Variants in SHANK2 observed in about 807,000 individuals in gnomAD.
SHANK2 encodes SH3 and multiple ankyrin repeat domains protein 2.
In SHANK2, 43 loss-of-function variants were observed where a neutral mutation model predicts 133.7. The observed-to-expected ratio is 0.32, with a 90% confidence interval of 0.25 to 0.41. The LOEUF is 0.41. Ranked by LOEUF, SHANK2 falls within the 10% of genes least tolerant of loss-of-function variation. SHANK2 has a pLI of 1.00. For synonymous variants in SHANK2, 1,017 were observed against 952.8 expected (o/e 1.07, Z -1.24); for missense variants, 1,994 against 2,235.8 (o/e 0.89, Z 2.18).
chr11:70,506,466 G>A (rs566291899), intron 17 of SHANK2, among the ~76,000 whole-genome samples: 2 of 152,328 alleles, frequency 1.3e-5, no homozygotes, highest in Admixed American at 1.3e-4. Context: ...ATGGGCCCTG[G>A]AAACATCACT....
intron 14 of SHANK2, among the ~76,000 whole-genome samples, chr11:70,756,527 C>A (rs1946877340): frequency 6.6e-6 from 1 of 152,180 alleles, no homozygotes; most frequent in African/African-American, 2.4e-5. Flanking sequence ...ACGCTCCTTC[C>A]CTCCAGCTGT....
intron 9 of SHANK2, among the ~76,000 whole-genome samples, chr11:71,074,829 G>C (rs2135982159): frequency 6.8e-6 from 1 of 147,078 alleles, no homozygotes; most frequent in South Asian, 2.2e-4. Context: ...GCCCAGGCTG[G>C]AGTGCAGTGG....
At chr11:70,629,546 G>C (rs1217066364) in intron 17 of SHANK2, among the ~76,000 whole-genome samples, 2 of 152,114 alleles carry the variant, frequency 1.3e-5, no homozygotes, top group African/African-American at 2.4e-5. Flanking sequence ...GCATGTGGTG[G>C]GAAGGGCAGC....
At chr11:70,773,799 C>A (rs572025525) in intron 14 of SHANK2, among the ~76,000 whole-genome samples, 11 of 152,244 alleles carry the variant, frequency 7.2e-5, no homozygotes, top group African/African-American at 2.6e-4. Context: ...CACTAAGATG[C>A]CTATAACGAT....
intron 17 of SHANK2, among the ~76,000 whole-genome samples, chr11:70,547,804 A>T (rs1247580815): frequency 6.6e-6 from 1 of 152,260 alleles, no homozygotes; most frequent in Non-Finnish European, 1.5e-5. Flanking sequence ...CTGCTAAAGG[A>T]ATCCTTGGTC....
At chr11:70,942,992 T>C in intron 10 of SHANK2, 1 of 451,868 alleles carries the variant, frequency 2.2e-6, no homozygotes, top group South Asian at 1.6e-5. Context: ...GACTTATGCA[T>C]GAACCATTCA....
At chr11:70,818,176 C>CCA (rs142933707) in intron 12 of SHANK2, among the ~76,000 whole-genome samples, 53 of 151,952 alleles carry the variant, frequency 3.5e-4, no homozygotes, top group Admixed American at 1.5e-3. Context: ...ACCATGATGA[C>CCA]CACACACACA....
intron 15 of SHANK2, among the ~76,000 whole-genome samples, chr11:70,691,051 G>T (rs1555020910): frequency 6.6e-6 from 1 of 152,096 alleles, no homozygotes; most frequent in Non-Finnish European, 1.5e-5. Flanking sequence ...TCTACTCTTG[G>T]CCCTATCTCT....
At chr11:71,080,788 C>A (rs1227172204) in intron 8 of SHANK2, among the ~76,000 whole-genome samples, 4 of 152,324 alleles carry the variant, frequency 2.6e-5, no homozygotes, top group Non-Finnish European at 5.9e-5. Context: ...ATGGCCTGAG[C>A]CACCAGCTGC....
intron 3 of SHANK2, among the ~76,000 whole-genome samples, chr11:71,123,657 T>G (rs1427099167): frequency 6.6e-6 from 1 of 152,230 alleles, no homozygotes; most frequent in Non-Finnish European, 1.5e-5. Context: ...GAACAGTATC[T>G]GATTCTGGTC....
intron 17 of SHANK2, among the ~76,000 whole-genome samples, chr11:70,540,510 C>T (rs2059606731): frequency 6.6e-6 from 1 of 152,144 alleles, no homozygotes; most frequent in Non-Finnish European, 1.5e-5. Flanking sequence ...CATGTCCAGC[C>T]TGACACACAC....
intron 25 of SHANK2, among the ~76,000 whole-genome samples, chr11:70,476,709 A>G (rs1308409605): frequency 1.3e-5 from 2 of 152,212 alleles, no homozygotes; most frequent in Non-Finnish European, 2.9e-5. Flanking sequence ...ACAGAGGACT[A>G]GAGGAGGAGG....
chr11:70,790,692 C>G (rs1356636335), intron 14 of SHANK2, among the ~76,000 whole-genome samples: 2 of 152,204 alleles, frequency 1.3e-5, no homozygotes, highest in South Asian at 2.1e-4. Flanking sequence ...TACATACGCT[C>G]TATCTGTATC....
intron 17 of SHANK2, among the ~76,000 whole-genome samples, chr11:70,635,970 G>A (rs919378628): frequency 8.5e-5 from 13 of 152,204 alleles, no homozygotes; most frequent in African/African-American, 3.1e-4. Context: ...CACCCCTCCC[G>A]AATGTTCCAG....
chr11:70,741,296 C>T (rs1946521776), intron 14 of SHANK2, among the ~76,000 whole-genome samples: 2 of 151,456 alleles, frequency 1.3e-5, no homozygotes, highest in Non-Finnish European at 2.9e-5. Context: ...TCCATCCGTG[C>T]ATCCAACTAT....
intron 17 of SHANK2, among the ~76,000 whole-genome samples, chr11:70,551,538 T>C (rs1554978049): frequency 6.6e-6 from 1 of 152,240 alleles, no homozygotes; most frequent in Non-Finnish European, 1.5e-5. Context: ...GGTGTGATGC[T>C]TGCCATGGCC....
At chr11:70,702,440 C>T (rs2134516775) in intron 14 of SHANK2, among the ~76,000 whole-genome samples, 1 of 151,362 alleles carries the variant, frequency 6.6e-6, no homozygotes, top group African/African-American at 2.4e-5. Flanking sequence ...TCACCACCAA[C>T]ATCATCACCA....
At chr11:70,844,498 G>A (rs1008602561) in intron 11 of SHANK2, among the ~76,000 whole-genome samples, 6 of 152,150 alleles carry the variant, frequency 3.9e-5, no homozygotes, top group East Asian at 1.9e-4. Context: ...GTTTGGGGCC[G>A]CAGTGGAGGA....
intron 25 of SHANK2, chr11:70,474,551 G>C (rs1555149723): frequency 6.6e-6 from 1 of 152,226 alleles, no homozygotes; most frequent in Non-Finnish European, 1.5e-5. Flanking sequence ...TCTGGCCAAG[G>C]CCTGTGGCAG....
Sources: gnomAD v4.1 joint callset for allele counts (sites outside exome capture counted in the v4.1 genomes callset) on GRCh38, gnomAD v4.1.1 for gene constraint, MANE v1.5 for transcripts, NCBI Gene and HGNC (gene_info 2026-07-23, HGNC 2026-07-21) for gene names.